The following PCDH7 variants were observed in gnomAD, a reference collection of about 807,000 sequenced individuals.
PCDH7 encodes protocadherin 7, also known as protocadherin-7.
In PCDH7, 17 loss-of-function variants were observed where a neutral mutation model predicts 58.9. That is an observed-to-expected ratio of 0.29 (90% CI 0.20 to 0.43). The LOEUF is 0.43. Among genes scored for constraint, PCDH7 ranks in the 20% least tolerant of loss-of-function variants. The pLI is 1.00. For missense variants in PCDH7, 1,274 were observed against 1,441.0 expected, an observed-to-expected ratio of 0.88 and a Z score of 1.88; for synonymous variants, 664 against 616.4, an observed-to-expected ratio of 1.08 and a Z score of -1.14.
intron 2 of PCDH7, chr4:30,935,474 G>A (rs1383685097): frequency 4.7e-6 from 1 of 212,910 alleles, no homozygotes; most frequent in African/African-American, 2.4e-5. Flanking sequence ...TGAAACTATA[G>A]AAAAAGAAAA....
In PCDH7 at chr4:30,810,616, C is replaced by CTT. The variant is rs61597613; in HGVS notation, c.70+86032_70+86033dup. On this transcript the variant is annotated intron_variant, in intron 1 of 3. Transcript: ENST00000509759. ...TTTTTAAAAAACGTCTTCTCATTTT[C>CTT]TTTTTTTTTTTTTGAGAGGGAGTCT... is the stretch of plus-strand genomic sequence containing the variant. Among the ~76,000 whole-genome samples the CTT allele has an allele frequency of 7.1e-4, 99 of 140,298 alleles. 1 individual carries two copies. Among genetic ancestry groups the CTT allele is most frequent in the African/African-American group, 1.9e-3 (71 of 37,982 alleles). The allele number at this position is 140,298 out of a possible 152,430, so 92.0% of individuals were successfully genotyped here.
chr4:30,738,200 G>A (rs149005514), intron 1 of PCDH7, among the ~76,000 whole-genome samples: 11 of 152,066 alleles, frequency 7.2e-5, no homozygotes, highest in African/African-American at 2.7e-4. Flanking sequence ...AGAATACAGG[G>A]CATGATTTAG....
intron 3 of PCDH7, among the ~76,000 whole-genome samples, chr4:31,024,457 T>C (rs1008991531): frequency 1.3e-5 from 2 of 152,168 alleles, no homozygotes; most frequent in African/African-American, 4.8e-5. Flanking sequence ...TTGTCATTTC[T>C]ATTTACGAAA....
chr4:31,023,205 G>A (rs1754167117), intron 3 of PCDH7, among the ~76,000 whole-genome samples: 1 of 152,182 alleles, frequency 6.6e-6, no homozygotes, highest in Admixed American at 6.6e-5. Flanking sequence ...AAAAAGTACA[G>A]TCTTTGACTC....
intron 1 of PCDH7, among the ~76,000 whole-genome samples, chr4:30,810,170 G>C (rs1244428890): frequency 6.6e-6 from 1 of 152,132 alleles, no homozygotes; most frequent in Non-Finnish European, 1.5e-5. Context: ...CATTAGCACA[G>C]ATGTTCACTT....
chr4:30,846,990 G>A (rs796296694), intron 1 of PCDH7, among the ~76,000 whole-genome samples: 1 of 152,114 alleles, frequency 6.6e-6, no homozygotes, highest in African/African-American at 2.4e-5. Flanking sequence ...GGGCATGGTG[G>A]CATGTTCAAG....
At chr4:31,130,442 C>A (rs1402622493) in intron 3 of PCDH7, among the ~76,000 whole-genome samples, 1 of 152,142 alleles carries the variant, frequency 6.6e-6, no homozygotes, top group African/African-American at 2.4e-5. Context: ...CACTCCATAT[C>A]TTTTAATGGA....
At chr4:30,875,671 G>C (rs1736196520) in intron 1 of PCDH7, among the ~76,000 whole-genome samples, 1 of 152,046 alleles carries the variant, frequency 6.6e-6, no homozygotes, top group African/African-American at 2.4e-5. Context: ...GGACTCACTT[G>C]GGTCATGTTA....
chr4:30,864,968 G>A (rs1734692922), intron 1 of PCDH7, among the ~76,000 whole-genome samples: 1 of 152,070 alleles, frequency 6.6e-6, no homozygotes, highest in African/African-American at 2.4e-5. Flanking sequence ...AGTACTGAGT[G>A]TGGCTTTCAC....
At chr4:31,088,909 CT>C (rs1405919226) in intron 3 of PCDH7, among the ~76,000 whole-genome samples, 3 of 151,844 alleles carry the variant, frequency 2.0e-5, no homozygotes, top group Non-Finnish European at 4.4e-5. Context: ...TGTTTTTATG[CT>C]TTAATTATTT....
intron 1 of PCDH7, among the ~76,000 whole-genome samples, chr4:30,758,940 G>GTTTTTTTT (rs11463767): frequency 8.0e-6 from 1 of 124,238 alleles, no homozygotes; most frequent in African/African-American, 3.1e-5. Context: ...TTGAAGAAGT[G>GTTTTTTTT]TTTTTTTTTT....
At chr4:31,059,097 G>A (rs1028894684) in intron 3 of PCDH7, among the ~76,000 whole-genome samples, 1 of 151,822 alleles carries the variant, frequency 6.6e-6, no homozygotes, top group Non-Finnish European at 1.5e-5. Context: ...TCTTAAAATT[G>A]TGATATTTGT....
At chr4:30,772,828 T>C (rs1721586440) in intron 1 of PCDH7, among the ~76,000 whole-genome samples, 1 of 152,256 alleles carries the variant, frequency 6.6e-6, no homozygotes, top group Non-Finnish European at 1.5e-5. Context: ...AAAGTGTTTT[T>C]ACATGTATTA....
intron 1 of PCDH7, among the ~76,000 whole-genome samples, chr4:30,822,612 T>G (rs2109322633): frequency 6.6e-6 from 1 of 152,302 alleles, no homozygotes; most frequent in South Asian, 2.1e-4. Context: ...CTCTTTATAT[T>G]AAAAATTTAT....
Position 30,730,121 on chromosome 4 carries a change from A to AAT in PCDH7, c.3175-622_3175-621dup, listed in dbSNP as rs377765265. Reference sequence around the variant, plus strand: ...TAGTATAATTATATACAGTATTTTAAATATATATATAACTTTAAATATATA... The same window carrying AAT: ...TAGTATAATTATATACAGTATTTTAAATATATATATATAACTTTAAATATATA... On this transcript the variant is annotated intron_variant, in intron 1 of 1. Transcript: ENST00000361762. 1.6e-4 allele frequency among the ~76,000 whole-genome samples: 25 copies of AAT among 151,544 alleles called. No individual in the cohort carries two copies. The East Asian group carries it at 3.9e-3, about 23-fold the overall frequency.
intron 1 of PCDH7, among the ~76,000 whole-genome samples, chr4:30,821,212 T>G (rs1341462142): frequency 6.6e-6 from 1 of 152,202 alleles, no homozygotes; most frequent in African/African-American, 2.4e-5. Flanking sequence ...GTATGTCTGA[T>G]TCTGAAAATC....
At chr4:30,804,551 A>AT (rs1231218511) in intron 1 of PCDH7, among the ~76,000 whole-genome samples, 1 of 145,640 alleles carries the variant, frequency 6.9e-6, no homozygotes, top group Non-Finnish European at 1.5e-5. Context: ...AAAAAAAAAA[A>AT]GATGTCAGGC....
chr4:31,068,901 C>T (rs944868561), intron 3 of PCDH7, among the ~76,000 whole-genome samples: 5 of 151,952 alleles, frequency 3.3e-5, no homozygotes, highest in Non-Finnish European at 2.9e-5. Context: ...AGACTATTTC[C>T]GGAACAGACT....
intron 1 of PCDH7, among the ~76,000 whole-genome samples, chr4:30,806,218 C>T (rs1389034269): frequency 6.6e-6 from 1 of 152,152 alleles, no homozygotes; most frequent in African/African-American, 2.4e-5. Flanking sequence ...TTATTGAGTA[C>T]TAGCCTGACT....
Sources: gnomAD v4.1 joint callset for allele counts (sites outside exome capture counted in the v4.1 genomes callset) on GRCh38, gnomAD v4.1.1 for gene constraint, MANE v1.5 for transcripts, NCBI Gene and HGNC (gene_info 2026-07-23, HGNC 2026-07-21) for gene names.